Variants in ME2 observed in about 807,000 individuals in gnomAD.
ME2 encodes NAD-dependent malic enzyme, mitochondrial.
In ME2, 60 loss-of-function variants were observed where a neutral mutation model predicts 73.7. That is an observed-to-expected ratio of 0.81 (90% confidence interval 0.66 to 1.01). The LOEUF is 1.01. Ranked by LOEUF, ME2 falls within the 50% of genes least tolerant of loss-of-function variation. ME2 has a pLI of 0.00. For missense variants in ME2, 594 were observed against 705.5 expected (o/e 0.84, Z 1.79); for synonymous variants, 199 against 236.9 (o/e 0.84, Z 1.47).
At chr18:50,927,618 T>G (rs1367003788) in intron 12 of ME2, among the ~76,000 whole-genome samples, 1 of 149,902 alleles carries the variant, frequency 6.7e-6, no homozygotes, top group Non-Finnish European at 1.5e-5. Context: ...AGGAGAATGG[T>G]GTGAACCCAC....
intron 13 of ME2, among the ~76,000 whole-genome samples, chr18:50,937,571 A>T (rs1213822503): frequency 6.6e-6 from 1 of 152,220 alleles, no homozygotes; most frequent in Admixed American, 6.5e-5. Flanking sequence ...AGACAAACAG[A>T]AAAAGACATC....
intron 11 of ME2, among the ~76,000 whole-genome samples, chr18:50,924,600 G>A (rs969597123): frequency 1.9e-4 from 28 of 150,798 alleles, no homozygotes; most frequent in African/African-American, 7.0e-4. Flanking sequence ...ATCAGACTAT[G>A]TCATCATGGC....
rs1389211908 is a variant in ME2 at position 50,932,316 on chromosome 18, G to A, written c.1373G>A (p.Arg458Gln). ...GGGCCAGTGAAACTTACAGATGGGC[G>A]AGTCTTTACACCAGGTCAAGGAAAC... The part of the protein sequence containing the change: ...PFGPVKLTDG[R>Q]VFTPGQGNNV... Residue 458 changes from arginine (R) to glutamine (Q), a missense_variant, in exon 13 of 16, where the codon CGA becomes CAA. Transcript: ENST00000321341. The A allele has an allele frequency of 6.8e-6, 11 of 1,613,300 alleles. No individual in the cohort carries two copies. The highest frequency in any genetic ancestry group is 6.7e-5 in the East Asian group (3 of 44,822).
intron 13 of ME2, chr18:50,935,134 A>G (rs916412664): frequency 1.6e-4 from 24 of 152,322 alleles, no homozygotes; most frequent in African/African-American, 4.6e-4. Context: ...GCCAGTGCCC[A>G]CAAGTGCCCA....
In ME2 at chr18:50,908,071, A is replaced by G. The variant is rs771830384; in HGVS notation, c.117A>G (p.Ala39=). Residue 39 remains alanine, a synonymous_variant, in exon 3 of 16, where the codon GCA becomes GCG. Coordinates refer to ENST00000321341, the MANE Select transcript of ME2 (RefSeq NM_002396.5). Reference sequence around the variant, plus strand: ...TTATTTCTCCTCTTTAGGGAATGGCATTTACTTTACAAGAACGACAAATGC... The same window carrying G: ...TTATTTCTCCTCTTTAGGGAATGGCGTTTACTTTACAAGAACGACAAATGC... ...MLNPRTNKGM[A]FTLQERQMLG... 1 of 1,573,068 alleles carries G rather than the reference A, an allele frequency of 6.4e-7. No individual in the cohort carries two copies. Among genetic ancestry groups the G allele is most frequent in the East Asian group, 2.3e-5 (1 of 43,624 alleles).
chr18:50,900,751 TAGTG>T (rs1164096700), intron 2 of ME2, among the ~76,000 whole-genome samples: 4 of 152,136 alleles, frequency 2.6e-5, no homozygotes, highest in Admixed American at 6.5e-5. Context: ...GTTCTTGTGA[TAGTG>T]AGTGAGTTCT....
At chr18:50,941,813 G>A (rs1917969365) in intron 15 of ME2, among the ~76,000 whole-genome samples, 1 of 151,598 alleles carries the variant, frequency 6.6e-6, no homozygotes, top group Non-Finnish European at 1.5e-5. Flanking sequence ...AATTAGATAT[G>A]AGTGTATCTT....
intron 6 of ME2, 39 bp from the exon 7 acceptor site, chr18:50,918,071 T>C: frequency 1.5e-6 from 2 of 1,338,612 alleles, no homozygotes; most frequent in Non-Finnish European, 2.1e-6. Context: ...AAACTGATTA[T>C]ATAAATTATT....
chr18:50,896,042 A>G (rs1916735558), intron 2 of ME2, 114 bp downstream of exon 2: 2 of 693,192 alleles, frequency 2.9e-6, no homozygotes, highest in South Asian at 4.2e-5. Flanking sequence ...TTGTTCAGAG[A>G]TAGTTGTTTA....
intron 13 of ME2, chr18:50,933,153 A>T (rs1917738721): frequency 6.6e-6 from 1 of 152,112 alleles, no homozygotes. Flanking sequence ...TTTTCTGGAG[A>T]ATTATTAGGA....
At chr18:50,885,117 A>T (rs28603096) in intron 1 of ME2, among the ~76,000 whole-genome samples, 3,081 of 152,232 alleles carry the variant, frequency 0.02, 94 homozygotes, top group African/African-American at 0.07. Flanking sequence ...CAGCCTCCCA[A>T]AGTGCTGGGA....
intron 12 of ME2, among the ~76,000 whole-genome samples, chr18:50,928,992 T>C (rs1239887136): frequency 6.6e-6 from 1 of 152,054 alleles, no homozygotes; most frequent in Non-Finnish European, 1.5e-5. Flanking sequence ...CTCACTATCT[T>C]GTTAGGTCTC....
chr18:50,928,252 CTT>C (rs566259782), intron 12 of ME2, among the ~76,000 whole-genome samples: 1 of 132,840 alleles, frequency 7.5e-6, no homozygotes, highest in African/African-American at 2.8e-5. Context: ...TTTTTTTTTT[CTT>C]TTTTTTTTTG....
At chr18:50,940,581 A>T (rs1043102504) in intron 15 of ME2, among the ~76,000 whole-genome samples, 195 bp downstream of exon 15, 1 of 152,140 alleles carries the variant, frequency 6.6e-6, no homozygotes, top group African/African-American at 2.4e-5. Flanking sequence ...TTCTTTGCAA[A>T]CACATACATG....
rs1918257173 is a variant in ME2 at position 50,953,126 on chromosome 18, G to T, written c.*5942G>T. ...TTTTTTTTTTCTTTTCTTTGAGACA[G>T]CCTTGCTCTGTCTCCCAGGCTGGAG... On this transcript the variant is annotated 3_prime_UTR_variant, in exon 16 of 16. Transcript: ENST00000321341. 2 of 140,652 alleles carry T rather than the reference G, an allele frequency of 1.4e-5. No individual in the cohort carries two copies. Among genetic ancestry groups the T allele is most frequent in the Non-Finnish European group, 3.0e-5 (2 of 66,494 alleles). The allele number at this position is 140,652 out of a possible 1,614,324, so 8.7% of individuals were successfully genotyped here.
At chr18:50,930,251 C>A (rs949629887) in intron 12 of ME2, among the ~76,000 whole-genome samples, 3 of 152,022 alleles carry the variant, frequency 2.0e-5, no homozygotes, top group African/African-American at 7.2e-5. Flanking sequence ...CAGAATGAGA[C>A]CCCGTCTCAA....
rs1454160434 is a variant in ME2 at position 50,950,223 on chromosome 18, T to G, written c.*3039T>G. ...GATTTTAGTTAAAATATTTTAAAAT[T>G]TTTTGATTCATAACCAAGAAGTTGC... On this transcript the variant is annotated 3_prime_UTR_variant, in exon 16 of 16. Coordinates refer to ENST00000321341, the MANE Select transcript of ME2 (RefSeq NM_002396.5). The G allele has an allele frequency of 2.0e-5, 3 of 152,156 alleles. No homozygotes were observed. The highest frequency in any genetic ancestry group is 4.4e-5 in the Non-Finnish European group (3 of 68,032). 9.4% of individuals were successfully genotyped at this position (152,156 alleles called of 1,614,324 possible).
intron 1 of ME2, among the ~76,000 whole-genome samples, chr18:50,885,428 G>A (rs1014999275): frequency 4.6e-5 from 7 of 152,056 alleles, no homozygotes; most frequent in Middle Eastern, 6.8e-3. Context: ...TAAAGCAGGT[G>A]AATCACTTGA....
At chr18:50,902,501 G>A (rs977130678) in intron 2 of ME2, among the ~76,000 whole-genome samples, 2 of 152,188 alleles carry the variant, frequency 1.3e-5, no homozygotes, top group African/African-American at 4.8e-5. Context: ...AGGTTCAAGC[G>A]ATTCTCCTGC....
Sources: gnomAD v4.1 joint callset for allele counts (sites outside exome capture counted in the v4.1 genomes callset) on GRCh38, gnomAD v4.1.1 for gene constraint, MANE v1.5 for transcripts, NCBI Gene and HGNC (gene_info 2026-07-23, HGNC 2026-07-21) for gene names.